DNAH14: variants seen among roughly 807,000 people sequenced by gnomAD.
DNAH14 encodes axonemal beta dynein heavy chain 14.
DNAH14 carries 478 observed loss-of-function variants against 520.9 expected under a neutral mutation model. That is an observed-to-expected ratio of 0.92 (90% CI 0.85 to 0.99). The LOEUF (loss-of-function observed/expected upper bound fraction) is 0.99. DNAH14 is among the 50% of genes least tolerant of loss of function. The probability of loss-of-function intolerance (pLI) is 0.00; values close to 1 mark genes in which losing one functional copy is unlikely to be tolerated. For synonymous variants in DNAH14, 1,581 were observed against 1,757.2 expected (o/e 0.90, Z 2.51); for missense variants, 4,831 against 5,234.5 (o/e 0.92, Z 2.38).
intron 84 of DNAH14, among the ~76,000 whole-genome samples, chr1:225,392,685 T>G (rs1216407321): frequency 6.6e-6 from 1 of 152,246 alleles, no homozygotes; most frequent in African/African-American, 2.4e-5. Context: ...TAAGTCAATG[T>G]AATCAACAGA....
chr1:225,385,028 C>T (rs1470703054), intron 81 of DNAH14, among the ~76,000 whole-genome samples: 1 of 152,212 alleles, frequency 6.6e-6, no homozygotes, highest in Non-Finnish European at 1.5e-5. Flanking sequence ...AGCTTATCCA[C>T]TATGATCAAG....
chr1:225,120,233 T>C (rs1037090036), intron 26 of DNAH14, among the ~76,000 whole-genome samples: 4 of 152,186 alleles, frequency 2.6e-5, no homozygotes, highest in Non-Finnish European at 5.9e-5. Flanking sequence ...AGTGAGCTTT[T>C]CTTGCTGTCT....
intron 54 of DNAH14, among the ~76,000 whole-genome samples, chr1:225,283,648 G>T (rs777446491): frequency 3.3e-5 from 5 of 151,994 alleles, no homozygotes; most frequent in Admixed American, 6.6e-5. Flanking sequence ...AATCAGCAAG[G>T]TTACAAAGAC....
chr1:225,181,869 T>C (rs1166340755), intron 36 of DNAH14, among the ~76,000 whole-genome samples: 1 of 152,082 alleles, frequency 6.6e-6, no homozygotes, highest in African/African-American at 2.4e-5. Context: ...GTCATTCAGA[T>C]AAATAAACCA....
chr1:225,152,324 A>G (rs954489713), intron 32 of DNAH14, among the ~76,000 whole-genome samples: 4 of 152,222 alleles, frequency 2.6e-5, no homozygotes, highest in African/African-American at 7.2e-5. Flanking sequence ...GAAAGGAAAA[A>G]GGGTCAGAAG....
Position 225,140,909 on chromosome 1 carries a change from C to G in DNAH14, c.4396C>G (p.Arg1466Gly). The G allele has an allele frequency of 6.4e-7, 1 of 1,551,254 alleles. No individual in the cohort carries two copies. Among genetic ancestry groups the G allele is most frequent in the Non-Finnish European group, 8.7e-7 (1 of 1,146,900 alleles). ...GGTAGTGCTGGATACTAGTAACTCT[C>G]GAACAAAAGCTATACTAGGGGCATT... ...DLVVLDTSNSRTKAILGALLI... is the reference protein window; with the variant it reads ...DLVVLDTSNSGTKAILGALLI... Residue 1466 changes from arginine (R) to glycine (G), a missense_variant, in exon 28 of 86, where the codon CGA becomes GGA. Physicochemically the swap from Arg to Gly is moderately radical, Grantham distance 125 (BLOSUM62 -2). Coordinates refer to ENST00000682510, the MANE Select transcript of DNAH14 (RefSeq NM_001367479.1).
intron 34 of DNAH14, among the ~76,000 whole-genome samples, chr1:225,154,144 T>C (rs2080798839): frequency 6.6e-6 from 1 of 152,050 alleles, no homozygotes; most frequent in African/African-American, 2.4e-5. Context: ...TATACCTATG[T>C]GACAGATGTG....
At chr1:225,080,339 A>G (rs2072973544) in intron 18 of DNAH14, 40 bp from the exon 19 acceptor site, 1 of 1,480,380 alleles carries the variant, frequency 6.8e-7, no homozygotes, top group South Asian at 1.4e-5. Context: ...CGTTCTAGAC[A>G]TACTGATTTC....
At chr1:225,006,869 G>A (rs898334891) in intron 9 of DNAH14, among the ~76,000 whole-genome samples, 3 of 152,036 alleles carry the variant, frequency 2.0e-5, no homozygotes, top group Non-Finnish European at 2.9e-5. Flanking sequence ...AAACTTGCTG[G>A]TTTTGCGGCT....
chr1:224,938,848 T>A (rs978042504), intron 1 of DNAH14, among the ~76,000 whole-genome samples: 12 of 152,212 alleles, frequency 7.9e-5, no homozygotes, highest in African/African-American at 2.9e-4. Context: ...TGGAATACTA[T>A]TCAGCTGTAA....
intron 52 of DNAH14, 49 bp downstream of exon 52, chr1:225,273,174 T>C: frequency 6.7e-7 from 1 of 1,500,034 alleles, no homozygotes; most frequent in Non-Finnish European, 8.9e-7. Flanking sequence ...GGCTTACGCC[T>C]GTAATCCCAG....
chr1:225,001,974 G>T (rs775347894), intron 8 of DNAH14, among the ~76,000 whole-genome samples: 42 of 152,092 alleles, frequency 2.8e-4, no homozygotes, highest in Non-Finnish European at 5.0e-4. Context: ...ATGAACCCAT[G>T]AAGCTTAAAC....
intron 42 of DNAH14, among the ~76,000 whole-genome samples, chr1:225,240,258 T>G (rs1005845314): frequency 2.7e-5 from 4 of 150,174 alleles, no homozygotes; most frequent in Admixed American, 6.7e-5. Flanking sequence ...TAAGCATATA[T>G]ATGTATATTA....
At chr1:225,353,441 T>C (rs1334567357) in intron 72 of DNAH14, among the ~76,000 whole-genome samples, 1 of 152,210 alleles carries the variant, frequency 6.6e-6, no homozygotes, top group Non-Finnish European at 1.5e-5. Context: ...CTTACTAGTT[T>C]ACATTCATCA....
intron 80 of DNAH14, among the ~76,000 whole-genome samples, chr1:225,381,045 T>C (rs77563205): frequency 0.041 from 6,319 of 152,298 alleles, 164 homozygotes; most frequent in Middle Eastern, 0.068. Context: ...ATATAGTTTG[T>C]GACACATAAA....
intron 77 of DNAH14, among the ~76,000 whole-genome samples, chr1:225,374,118 G>A (rs1347325126): frequency 2.4e-5 from 2 of 82,986 alleles, no homozygotes; most frequent in African/African-American, 4.7e-5. Flanking sequence ...CAAAAAAAAA[G>A]GTGTATGTCC....
At chr1:225,257,888 A>AC in intron 44 of DNAH14, 72 bp from the exon 45 acceptor site, 4 of 180,280 alleles carry the variant, frequency 2.2e-5, no homozygotes, top group African/African-American at 1.1e-4. Context: ...TCCTAATGAC[A>AC]AAAAAAAAAA....
chr1:225,182,945 TGCTGATCTGGCAG>T (rs1466416180), intron 36 of DNAH14, among the ~76,000 whole-genome samples: 1 of 152,146 alleles, frequency 6.6e-6, no homozygotes, highest in Non-Finnish European at 1.5e-5. Flanking sequence ...GCCAATTCTG[TGCTGATCTGGCAG>T]GCTGGGGGAT....
At chr1:225,024,391 A>G (rs1261575823) in intron 11 of DNAH14, 1 of 401,610 alleles carries the variant, frequency 2.5e-6, no homozygotes, top group Non-Finnish European at 3.4e-6. Context: ...TGTTAAAAAC[A>G]AAGCATTTTT....
Sources: gnomAD v4.1 joint callset for allele counts (sites outside exome capture counted in the v4.1 genomes callset) on GRCh38, gnomAD v4.1.1 for gene constraint, MANE v1.5 for transcripts, NCBI Gene and HGNC (gene_info 2026-07-23, HGNC 2026-07-21) for gene names.